MS4A18: variants seen among roughly 807,000 people sequenced by gnomAD.
The protein encoded by MS4A18 is membrane spanning 4-domains A18.
In MS4A18, 27 loss-of-function variants were observed where a neutral mutation model predicts 13.1. The ratio of observed to expected loss-of-function variants is 2.06; its 90% CI spans 1.52 to 2.84. The LOEUF is 2.84. Ranked by LOEUF, MS4A18 falls within the 30% of genes most tolerant of loss-of-function variation. The probability of loss-of-function intolerance (pLI) is 0.00; values close to 1 mark genes in which losing one functional copy is unlikely to be tolerated. For missense variants in MS4A18, 307 were observed against 196.4 expected (o/e 1.56, Z -3.37); for synonymous variants, 126 against 76.5 (o/e 1.65, Z -3.38).
downstream of MS4A18, among the ~76,000 whole-genome samples, chr11:60,744,963 T>C (rs944193294): frequency 6.6e-6 from 1 of 152,230 alleles, no homozygotes; most frequent in Admixed American, 6.5e-5. Flanking sequence ...ACACTTACCA[T>C]ATGACTCAGC....
intron 5 of MS4A18, among the ~76,000 whole-genome samples, chr11:60,742,983 G>A (rs1252127851): frequency 6.6e-6 from 1 of 152,190 alleles, no homozygotes; most frequent in South Asian, 2.1e-4. Context: ...GTCTGCTGTG[G>A]CAGTTTCCTC....
chr11:60,737,722 C>A (rs1357153930), intron 3 of MS4A18, among the ~76,000 whole-genome samples: 1 of 152,192 alleles, frequency 6.6e-6, no homozygotes, highest in Non-Finnish European at 1.5e-5. Context: ...CCTTCCTTCT[C>A]AGGTCCTCCT....
chr11:60,736,771 G>A (rs932352330), intron 2 of MS4A18, among the ~76,000 whole-genome samples: 19 of 152,200 alleles, frequency 1.2e-4, no homozygotes, highest in Admixed American at 1.1e-3. Context: ...AGACCCACAG[G>A]AGTTTGAGTA....
chr11:60,728,372 C>T (rs1370618157), upstream of MS4A18, among the ~76,000 whole-genome samples: 1 of 151,718 alleles, frequency 6.6e-6, no homozygotes, highest in Non-Finnish European at 1.5e-5. Flanking sequence ...ACATCAAAGA[C>T]CAAGGTAGTA....
upstream of MS4A18, among the ~76,000 whole-genome samples, chr11:60,726,928 G>A (rs556249203): frequency 6.6e-6 from 1 of 150,638 alleles, no homozygotes; most frequent in African/African-American, 2.4e-5. Flanking sequence ...CCCTCCCCTT[G>A]CCCCCCAACC....
intron 2 of MS4A18, among the ~76,000 whole-genome samples, chr11:60,735,247 A>G (rs1247514932): frequency 2.0e-5 from 3 of 152,250 alleles, no homozygotes; most frequent in Non-Finnish European, 4.4e-5. Flanking sequence ...AAAACAAAGC[A>G]TCACACGTGG....
At chr11:60,737,245 A>G (rs1165940843) in intron 3 of MS4A18, among the ~76,000 whole-genome samples, 1 of 152,218 alleles carries the variant, frequency 6.6e-6, no homozygotes, top group Non-Finnish European at 1.5e-5. Context: ...CAGAGAGGTC[A>G]GGTGGCTTGC....
At chr11:60,730,073 G>C (rs1259364692) in intron 1 of MS4A18, among the ~76,000 whole-genome samples, 1 of 152,168 alleles carries the variant, frequency 6.6e-6, no homozygotes, top group African/African-American at 2.4e-5. Context: ...GTCAGCAATA[G>C]TTCCACTAAA....
chr11:60,737,801 A>G (rs1476188209), intron 3 of MS4A18, among the ~76,000 whole-genome samples: 2 of 152,170 alleles, frequency 1.3e-5, no homozygotes, highest in African/African-American at 2.4e-5. Context: ...GCAGTAGGTC[A>G]GCTAGGGGCT....
intron 1 of MS4A18, among the ~76,000 whole-genome samples, chr11:60,732,968 G>T (rs541404950): frequency 6.6e-6 from 1 of 152,176 alleles, no homozygotes; most frequent in African/African-American, 2.4e-5. Context: ...AACTAACATC[G>T]AATGGTCTGA....
intron 1 of MS4A18, among the ~76,000 whole-genome samples, chr11:60,732,730 C>CAAAA (rs200295786): frequency 2.0e-4 from 14 of 70,978 alleles, no homozygotes; most frequent in East Asian, 3.2e-4. Context: ...GACTCCGTCT[C>CAAAA]AAAAAAAAAA....
intron 3 of MS4A18, among the ~76,000 whole-genome samples, 157 bp from the exon 5 acceptor site, chr11:60,738,745 C>A (rs542509167): frequency 3.3e-5 from 5 of 151,898 alleles, no homozygotes; most frequent in African/African-American, 1.2e-4. Flanking sequence ...TGATTTTTCT[C>A]ACCTCACTAT....
At chr11:60,737,360 T>C (rs375754020) in intron 3 of MS4A18, among the ~76,000 whole-genome samples, 2 of 152,212 alleles carry the variant, frequency 1.3e-5, no homozygotes, top group East Asian at 1.9e-4. Flanking sequence ...ATTCAAAAAC[T>C]TAGCTCTTTG....
Position 60,739,017 on chromosome 11 carries a change from G to A in MS4A18, c.744+20G>A, listed in dbSNP as rs760592559. On this transcript the variant is annotated intron_variant, in intron 4 of 5. Coordinates refer to ENST00000529108, the Ensembl canonical transcript of MS4A18. ...GTGACGGTGAGCATCTGACTGCCAG[G>A]GCCCCGTGCTGCCAAAGGACCAGGA... The A allele has an allele frequency of 1.1e-5, 8 of 702,524 alleles. No homozygotes were observed. The highest frequency in any genetic ancestry group is 1.0e-4 in the Admixed American group (5 of 49,960). The allele number at this position is 702,524 out of a possible 1,614,324, so 43.5% of individuals were successfully genotyped here.
At chr11:60,744,374 G>A (rs551543477), downstream of MS4A18, among the ~76,000 whole-genome samples, 32 of 152,190 alleles carry the variant, frequency 2.1e-4, no homozygotes, top group Admixed American at 8.5e-4. Context: ...ACTCTGACAC[G>A]GTTCTCCCAC....
chr11:60,736,722 C>T (rs1364105352), intron 2 of MS4A18, among the ~76,000 whole-genome samples: 4 of 152,138 alleles, frequency 2.6e-5, no homozygotes, highest in Non-Finnish European at 5.9e-5. Flanking sequence ...CATCCTGGGA[C>T]AAAATTCAGG....
chr11:60,742,406 C>G (rs567013095), intron 5 of MS4A18, among the ~76,000 whole-genome samples: 228 of 152,270 alleles, frequency 1.5e-3, no homozygotes, highest in African/African-American at 5.1e-3. Context: ...CTTAAAAACT[C>G]CAAGGGTGTT....
At chr11:60,743,520 A>G in intron 5 of MS4A18, 130 bp from the exon 7 acceptor site, 1 of 622,056 alleles carries the variant, frequency 1.6e-6, no homozygotes, top group South Asian at 1.9e-5. Context: ...AGAAAGTCAC[A>G]TGACCAAGCC....
chr11:60,733,153 A>C (rs529798444), intron 1 of MS4A18, among the ~76,000 whole-genome samples: 2 of 152,340 alleles, frequency 1.3e-5, no homozygotes, highest in East Asian at 3.9e-4. Context: ...TTTGCTGGAG[A>C]CCACACAGCC....
Sources: allele counts gnomAD v4.1 joint callset (sites outside exome capture counted in the v4.1 genomes callset), GRCh38; gene constraint gnomAD v4.1.1; transcripts MANE v1.5; gene names NCBI Gene and HGNC (gene_info 2026-07-23, HGNC 2026-07-21).